The following FAM149B1 variants were observed in gnomAD, a reference collection of about 807,000 sequenced individuals.
FAM149B1 encodes primary cilium assembly protein FAM149B1.
A neutral mutation model predicts 75.3 loss-of-function variants in FAM149B1; 56 were observed. The observed-to-expected ratio is 0.74, with a 90% CI of 0.60 to 0.93. The LOEUF (loss-of-function observed/expected upper bound fraction) is 0.93. Among genes scored for constraint, FAM149B1 ranks in the 40% least tolerant of loss-of-function variants. FAM149B1 has a pLI of 0.00. For missense variants in FAM149B1, 639 were observed against 708.4 expected (o/e 0.90, Z 1.11); for synonymous variants, 259 against 256.1 (o/e 1.01, Z -0.11).
chr10:73,212,187 C>T (rs993474356), intron 7 of FAM149B1, among the ~76,000 whole-genome samples: 2 of 152,160 alleles, frequency 1.3e-5, no homozygotes, highest in African/African-American at 4.8e-5. Flanking sequence ...AGTAGTAGTC[C>T]ATTTTATTTA....
chr10:73,211,394 C>CAA (rs150491354), intron 7 of FAM149B1, among the ~76,000 whole-genome samples: 2 of 150,640 alleles, frequency 1.3e-5, no homozygotes, highest in Non-Finnish European at 3.0e-5. Context: ...CATTAGCATA[C>CAA]AAAAAAAAAC....
At chr10:73,226,645 C>T (rs1232402888) in intron 7 of FAM149B1, among the ~76,000 whole-genome samples, 1 of 152,158 alleles carries the variant, frequency 6.6e-6, no homozygotes, top group Non-Finnish European at 1.5e-5. Context: ...ATACTAATAT[C>T]TATTTCATAG....
At chr10:73,177,636 A>G (rs1014330878) in intron 2 of FAM149B1, among the ~76,000 whole-genome samples, 2 of 150,358 alleles carry the variant, frequency 1.3e-5, no homozygotes, top group Non-Finnish European at 2.9e-5. Context: ...TATGACTAGA[A>G]TTATTTGGAA....
At position 73,241,384 on chromosome 10, in the gene FAM149B1, C is replaced by T; in HGVS notation, c.*365C>T. On this transcript the variant is annotated 3_prime_UTR_variant, in exon 14 of 14. Transcript: ENST00000242505. ...CACACATACACAAAAAGCAGCAAAT[C>T]ATCAGTGACAATATCACTGGCTTCA... 4.2e-6 allele frequency: 1 copy of T among 237,222 alleles called. No individual in the cohort carries two copies. Among genetic ancestry groups the T allele is most frequent in the Non-Finnish European group, 8.4e-6 (1 of 119,176 alleles). 14.7% of individuals were successfully genotyped at this position (237,222 alleles called of 1,614,324 possible).
At chr10:73,169,951 T>A (rs12246484) in intron 1 of FAM149B1, among the ~76,000 whole-genome samples, 2 of 151,224 alleles carry the variant, frequency 1.3e-5, no homozygotes. Flanking sequence ...AACCATAAAT[T>A]TATTAATTAA....
intron 7 of FAM149B1, among the ~76,000 whole-genome samples, chr10:73,222,036 A>G (rs1030982551): frequency 3.9e-5 from 6 of 152,160 alleles, no homozygotes; most frequent in Non-Finnish European, 8.8e-5. Flanking sequence ...AATAATTTGA[A>G]TATCTGTGTT....
chr10:73,220,866 G>C (rs551841608), intron 7 of FAM149B1, among the ~76,000 whole-genome samples: 1 of 151,524 alleles, frequency 6.6e-6, no homozygotes, highest in South Asian at 2.1e-4. Flanking sequence ...TGTCCATTGT[G>C]TAATCCACCC....
chr10:73,239,337 G>A lies in FAM149B1; in HGVS notation c.1628G>A (p.Cys543Tyr), dbSNP rs2043892681. The change falls in exon 13 of 14, where the codon TGT (cysteine) becomes TAT (tyrosine). Residue 543 changes from cysteine to tyrosine, a missense_variant. Cys to Tyr is a radical substitution (Grantham distance 194). Coordinates refer to ENST00000242505, the MANE Select transcript of FAM149B1 (RefSeq NM_173348.2). The part of the protein sequence containing the change: ...FLLDTQYRRS[C>Y]AVEYPHQARP... The stretch of plus-strand genomic sequence containing the variant: ...CTGGATACACAGTATCGTCGCTCAT[G>A]TGCAGTTGAGTATCCTCATCAGGCC... 3.9e-6 allele frequency: 6 copies of A among 1,551,610 alleles called. No homozygotes were observed. The highest frequency in any genetic ancestry group is 1.4e-5 in the African/African-American group (1 of 73,062).
chr10:73,214,240 T>C (rs2043248478), intron 7 of FAM149B1, among the ~76,000 whole-genome samples: 1 of 152,228 alleles, frequency 6.6e-6, no homozygotes, highest in Non-Finnish European at 1.5e-5. Flanking sequence ...TTTCCAGATA[T>C]AAGATCATAC....
intron 7 of FAM149B1, among the ~76,000 whole-genome samples, chr10:73,214,506 A>G (rs1357845087): frequency 1.3e-5 from 2 of 152,200 alleles, no homozygotes; most frequent in African/African-American, 4.8e-5. Context: ...GACCTTTATC[A>G]TGAAGTAATG....
At chr10:73,177,581 A>G (rs1291478445) in intron 2 of FAM149B1, among the ~76,000 whole-genome samples, 1 of 152,158 alleles carries the variant, frequency 6.6e-6, no homozygotes. Context: ...CTCCAAAAAA[A>G]AAAGAGTATG....
intron 7 of FAM149B1, 24 bp downstream of exon 7, chr10:73,210,462 G>A (rs1347982155): frequency 1.4e-6 from 2 of 1,471,458 alleles, no homozygotes; most frequent in South Asian, 1.3e-5. Flanking sequence ...TGAAAATAAT[G>A]TAAAAATCAA....
chr10:73,187,680 G>A (rs1241712591), intron 3 of FAM149B1, among the ~76,000 whole-genome samples: 2 of 151,966 alleles, frequency 1.3e-5, no homozygotes, highest in African/African-American at 2.4e-5. Context: ...TGTGAGCCGA[G>A]ATCGCACCAT....
intron 1 of FAM149B1, among the ~76,000 whole-genome samples, chr10:73,169,783 G>A (rs1843629118): frequency 6.6e-6 from 1 of 152,022 alleles, no homozygotes; most frequent in African/African-American, 2.4e-5. Flanking sequence ...TAACAACTCT[G>A]TAAAGTGGGT....
intron 3 of FAM149B1, among the ~76,000 whole-genome samples, chr10:73,180,674 GA>G (rs1294002297): frequency 1.3e-5 from 2 of 152,044 alleles, no homozygotes; most frequent in East Asian, 1.9e-4. Flanking sequence ...TTTATCTTTA[GA>G]AAAATTGAAT....
rs1282523013 is a variant in FAM149B1, at chr10:73,193,584, A to T, written c.533A>T (p.Asp178Val). ...GAAACAACCTTGTCTCAAGAAAGAG[A>T]TTCTACTATGTGAGTATTCCATTAT... Reference protein sequence around the residue: ...SYETTLSQERDSTIFGIRGKK... With the variant: ...SYETTLSQERVSTIFGIRGKK... Residue 178 changes from aspartate (D) to valine (V), a missense_variant, in exon 5 of 14, where the codon GAT (aspartate) becomes GTT (valine). Transcript: ENST00000242505. The T allele has an allele frequency of 6.4e-7, 1 of 1,550,814 alleles. No individual in the cohort carries two copies. The highest frequency in any genetic ancestry group is 2.4e-5 in the East Asian group (1 of 40,824).
intron 12 of FAM149B1, 160 bp downstream of exon 12, chr10:73,235,478 T>A: frequency 7.0e-7 from 1 of 1,424,412 alleles, no homozygotes; most frequent in South Asian, 1.5e-5. Flanking sequence ...TTTGTTCAAA[T>A]TCTAACTAGT....
At chr10:73,190,042 C>A (rs1419700969) in intron 3 of FAM149B1, among the ~76,000 whole-genome samples, 1 of 152,086 alleles carries the variant, frequency 6.6e-6, no homozygotes, top group Non-Finnish European at 1.5e-5. Context: ...TCTCAATATA[C>A]AAGGTAAGCT....
chr10:73,180,306 T>C lies in FAM149B1; in HGVS notation c.282+2331T>C, dbSNP rs2042366763. ...CATGTTTCCAAGGGAAAGTGTTTGGTGTATTCTTGCAACTGATAAAAGGTC... is the reference window on the plus strand; with the variant it reads ...CATGTTTCCAAGGGAAAGTGTTTGGCGTATTCTTGCAACTGATAAAAGGTC... On this transcript the variant is annotated intron_variant, in intron 3 of 13. Transcript: ENST00000242505. 4.6e-5 allele frequency among the ~76,000 whole-genome samples: 7 copies of C among 152,280 alleles called. No individual in the cohort carries two copies. In the South Asian group the frequency reaches 1.5e-3, roughly 32 times the overall value.
Sources: gnomAD v4.1 joint callset for allele counts (sites outside exome capture counted in the v4.1 genomes callset) on GRCh38, gnomAD v4.1.1 for gene constraint, MANE v1.5 for transcripts, NCBI Gene and HGNC (gene_info 2026-07-23, HGNC 2026-07-21) for gene names.